The following FER variants were observed in gnomAD, a reference collection of about 807,000 sequenced individuals.
The protein encoded by FER is FER tyrosine kinase.
In FER, 63 loss-of-function variants were observed where a neutral mutation model predicts 111.0. The observed-to-expected ratio is 0.57, with a 90% CI of 0.46 to 0.70. The LOEUF (loss-of-function observed/expected upper bound fraction) is 0.70. Ranked by LOEUF, FER falls within the 30% of genes least tolerant of loss-of-function variation. The pLI, the probability that FER is intolerant of heterozygous loss-of-function variation, is 0.00. For missense variants in FER, 914 were observed against 954.0 expected, an observed-to-expected ratio of 0.96 and a Z score of 0.55; for synonymous variants, 327 against 313.9, an observed-to-expected ratio of 1.04 and a Z score of -0.44.
intron 15 of FER, 156 bp downstream of exon 15, chr5:109,044,951 G>A: frequency 2.2e-6 from 1 of 462,622 alleles, no homozygotes; most frequent in South Asian, 3.9e-5. Flanking sequence ...GTGATATTCT[G>A]CAGATCAATT....
chr5:109,082,481 G>A lies in FER; in HGVS notation c.1925-17915G>A, dbSNP rs3797840. ...GACCCAGCCCAGGCCCTGACTTATA[G>A]TACGTTGTTGGGAAAGTCAATTAAT... is the stretch of plus-strand genomic sequence containing the variant. On this transcript the variant is annotated intron_variant, in intron 16 of 19. Transcript: ENST00000281092. Among the ~76,000 whole-genome samples the A allele has an allele frequency of 8.9e-4, 136 of 152,162 alleles. No individual in the cohort carries two copies. In the East Asian group the frequency reaches 0.019, roughly 22 times the overall value.
intron 17 of FER, among the ~76,000 whole-genome samples, chr5:109,102,183 A>C (rs565958179): frequency 2.3e-4 from 35 of 152,222 alleles, no homozygotes; most frequent in African/African-American, 8.4e-4. Flanking sequence ...CTAAATCATA[A>C]TATTATCTGC....
intron 17 of FER, among the ~76,000 whole-genome samples, chr5:109,103,051 C>G (rs1048175732): frequency 1.3e-5 from 2 of 151,906 alleles, no homozygotes; most frequent in Admixed American, 6.6e-5. Flanking sequence ...CAGTTTTTTC[C>G]TCACTGAAAA....
chr5:108,852,096 A>T (rs1039464011), intron 5 of FER, among the ~76,000 whole-genome samples: 3 of 152,196 alleles, frequency 2.0e-5, no homozygotes, highest in African/African-American at 7.2e-5. Context: ...ACCCAATGAT[A>T]ATTTATAAGC....
chr5:108,759,971 CACTGGATAGATATG>C (rs1267254349), intron 1 of FER, among the ~76,000 whole-genome samples: 2 of 152,212 alleles, frequency 1.3e-5, no homozygotes, highest in Non-Finnish European at 2.9e-5. Context: ...AGGTATATTT[CACTGGATAGATATG>C]ACAAGGATTT....
At chr5:108,986,783 C>G (rs1201715031) in intron 13 of FER, among the ~76,000 whole-genome samples, 2 of 152,104 alleles carry the variant, frequency 1.3e-5, no homozygotes, top group Non-Finnish European at 2.9e-5. Context: ...TCTGGGTTCT[C>G]TATTCTGTTC....
intron 5 of FER, among the ~76,000 whole-genome samples, chr5:108,865,938 A>G (rs1182453546): frequency 6.6e-6 from 1 of 152,188 alleles, no homozygotes; most frequent in Non-Finnish European, 1.5e-5. Context: ...AGGAAACAAC[A>G]GGTGCTGGAG....
chr5:108,897,475 A>G (rs925971192), intron 9 of FER, among the ~76,000 whole-genome samples, 184 bp from the exon 10 acceptor site: 2 of 152,184 alleles, frequency 1.3e-5, no homozygotes, highest in Admixed American at 6.5e-5. Flanking sequence ...ACTTCATTAT[A>G]TTTTGTTAAT....
chr5:108,845,443 A>G (rs986989781), intron 5 of FER, among the ~76,000 whole-genome samples: 1 of 151,832 alleles, frequency 6.6e-6, no homozygotes, highest in South Asian at 2.1e-4. Context: ...CGGCCTCCCA[A>G]AGTGCTGGGG....
rs562234326 is a variant in FER, at chr5:108,763,596, A to C, written c.-205-4497A>C. ...GTTTCTTACCCTAGAATATAAGTAA[A>C]TGTTTCCAGGGAGGGGAAGGAGAAG... On this transcript the variant is annotated intron_variant, in intron 1 of 19. Coordinates refer to ENST00000281092, the MANE Select transcript of FER (RefSeq NM_005246.4). Among the ~76,000 whole-genome samples, 4 of 152,274 alleles carry C rather than the reference A, an allele frequency of 2.6e-5. No individual in the cohort carries two copies. The South Asian group carries it at 8.3e-4, about 32-fold the overall frequency.
chr5:109,174,570 A>G (rs1757481592), intron 17 of FER, among the ~76,000 whole-genome samples: 2 of 152,346 alleles, frequency 1.3e-5, no homozygotes, highest in Admixed American at 6.5e-5. Flanking sequence ...TGCCAGAAAC[A>G]GGCAATCCTA....
chr5:108,906,183 G>A (rs968539079), intron 10 of FER, among the ~76,000 whole-genome samples: 10 of 152,216 alleles, frequency 6.6e-5, no homozygotes, highest in Non-Finnish European at 4.4e-5. Flanking sequence ...AAAGCATGCA[G>A]AACAGTGCTT....
At chr5:108,993,045 A>C (rs1424418252) in intron 13 of FER, among the ~76,000 whole-genome samples, 1 of 148,300 alleles carries the variant, frequency 6.7e-6, no homozygotes, top group Non-Finnish European at 1.5e-5. Flanking sequence ...GACGCTCCTC[A>C]CTTTCCAGAC....
rs369699283 is a variant in FER, at chr5:109,061,127, A to G, written c.1924+13929A>G. Reference sequence around the variant, plus strand: ...GTAATGTTTAGCCTTTATACGTGTCATTTTCTTCATATGTGAAACTGAAGT... The same window carrying G: ...GTAATGTTTAGCCTTTATACGTGTCGTTTTCTTCATATGTGAAACTGAAGT... On this transcript the variant is annotated intron_variant, in intron 16 of 19. Coordinates refer to ENST00000281092, the MANE Select transcript of FER (RefSeq NM_005246.4). 1.8e-4 allele frequency among the ~76,000 whole-genome samples: 27 copies of G among 152,230 alleles called. No individual in the cohort carries two copies. The South Asian group carries it at 5.6e-3, about 32-fold the overall frequency.
chr5:109,179,894 G>A (rs1331508278), intron 17 of FER, among the ~76,000 whole-genome samples: 2 of 152,122 alleles, frequency 1.3e-5, no homozygotes, highest in South Asian at 2.1e-4. Flanking sequence ...GTTATTGAAT[G>A]TCCTCCCCAC....
rs553899802 is a variant in FER, at chr5:108,793,019, C to T, written c.-59-5105C>T. On this transcript the variant is annotated intron_variant, in intron 2 of 19. Transcript: ENST00000281092. ...AAGCATTTATCCTTTGTGTCACAAACAATTCAATTATACAGCTTTAGTTAT... is the reference window on the plus strand; with the variant it reads ...AAGCATTTATCCTTTGTGTCACAAATAATTCAATTATACAGCTTTAGTTAT... 2.6e-5 allele frequency among the ~76,000 whole-genome samples: 4 copies of T among 152,264 alleles called. No homozygotes were observed. In the East Asian group the frequency reaches 7.7e-4, roughly 29 times the overall value.
intron 5 of FER, among the ~76,000 whole-genome samples, chr5:108,867,338 C>T (rs1484947944): frequency 6.6e-6 from 1 of 152,084 alleles, no homozygotes; most frequent in East Asian, 1.9e-4. Flanking sequence ...GGTTTGTCTT[C>T]TCCACAAAGC....
chr5:108,949,750 A>G (rs1561664824), intron 11 of FER, among the ~76,000 whole-genome samples: 3 of 152,150 alleles, frequency 2.0e-5, no homozygotes. Context: ...GCAATGTGTG[A>G]TAAGATTTTA....
At chr5:109,173,812 G>A (rs1369375704) in intron 17 of FER, among the ~76,000 whole-genome samples, 2 of 149,858 alleles carry the variant, frequency 1.3e-5, no homozygotes, top group South Asian at 4.2e-4. Context: ...AAGTAAATGG[G>A]AAGACTGTAT....
Sources: gnomAD v4.1 joint callset for allele counts (sites outside exome capture counted in the v4.1 genomes callset) on GRCh38, gnomAD v4.1.1 for gene constraint, MANE v1.5 for transcripts, NCBI Gene and HGNC (gene_info 2026-07-23, HGNC 2026-07-21) for gene names.